The following AGBL1 variants were observed in gnomAD, a reference collection of about 807,000 sequenced individuals.
The protein encoded by AGBL1 is cytosolic carboxypeptidase 4.
Under a neutral mutation model 118.9 loss-of-function variants are expected in AGBL1, and 130 were observed. The ratio of observed to expected loss-of-function variants is 1.09; its 90% CI spans 0.95 to 1.26. AGBL1 has a LOEUF of 1.26. AGBL1 is among the 50% of genes most tolerant of loss of function. The pLI is 0.00. For synonymous variants in AGBL1, 555 were observed against 478.9 expected (o/e 1.16, Z -2.08); for missense variants, 1,584 against 1,298.1 (o/e 1.22, Z -3.38).
chr15:87,015,752 TGAATTCA>T (rs1277616853), intron 24 of AGBL1, among the ~76,000 whole-genome samples: 1 of 152,166 alleles, frequency 6.6e-6, no homozygotes, highest in Non-Finnish European at 1.5e-5. Context: ...CTGCTATTGA[TGAATTCA>T]GGGATAGAGC....
intron 22 of AGBL1, among the ~76,000 whole-genome samples, chr15:86,820,375 A>T (rs1400365204): frequency 1.3e-5 from 2 of 152,170 alleles, no homozygotes; most frequent in Non-Finnish European, 2.9e-5. Flanking sequence ...ATGGGAGAAA[A>T]TTTTTTCAAT....
chr15:86,311,719 C>T (rs886987842), intron 17 of AGBL1, among the ~76,000 whole-genome samples: 6 of 152,070 alleles, frequency 3.9e-5, no homozygotes, highest in Non-Finnish European at 8.8e-5. Flanking sequence ...TTTTAGTCAC[C>T]TGTATCCAAC....
chr15:86,997,607 C>A lies in AGBL1; in HGVS notation c.3323+9519C>A, dbSNP rs144810083. Among the ~76,000 whole-genome samples, 769 of 152,140 alleles carry A rather than the reference C, an allele frequency of 5.1e-3. 6 individuals carry two copies. The highest frequency in any genetic ancestry group is 0.018 in the African/African-American group (742 of 41,502). On this transcript the variant is annotated intron_variant, in intron 24 of 24. Coordinates refer to the AGBL1 transcript ENST00000441037. ...GATGGATCACTTGATAGACTGTATCCTCTAGGCCTAGAGTCTATGATTTTA... is the reference window on the plus strand; with the variant it reads ...GATGGATCACTTGATAGACTGTATCATCTAGGCCTAGAGTCTATGATTTTA...
chr15:86,248,017 G>A lies in AGBL1; in HGVS notation c.735+138G>A. On this transcript the variant is annotated intron_variant, in intron 7 of 22. Coordinates refer to ENST00000614907, the MANE Select transcript of AGBL1 (RefSeq NM_001386094.1). The stretch of plus-strand genomic sequence containing the variant: ...TTGCCTGCTAAGGGCGGATGTTCTG[G>A]ATTTAAGGCTTCATTCCAGGCCAGG... 2 of 1,198,868 alleles carry A rather than the reference G, an allele frequency of 1.7e-6. 1 individual carries two copies. The highest frequency in any genetic ancestry group is 3.0e-5 in the African/African-American group (2 of 66,504). The allele number at this position is 1,198,868 out of a possible 1,614,324, so 74.3% of individuals were successfully genotyped here.
At chr15:86,595,968 C>T (rs532079209) in intron 21 of AGBL1, among the ~76,000 whole-genome samples, 29 of 151,960 alleles carry the variant, frequency 1.9e-4, no homozygotes, top group Non-Finnish European at 3.4e-4. Context: ...GTTAGTTAGT[C>T]CCCAGAAAGC....
At chr15:86,807,945 T>C (rs1443487281) in intron 22 of AGBL1, among the ~76,000 whole-genome samples, 1 of 152,128 alleles carries the variant, frequency 6.6e-6, no homozygotes, top group Non-Finnish European at 1.5e-5. Flanking sequence ...AGCTTCACAC[T>C]TGGTAGTTGC....
At chr15:86,904,126 G>T (rs778223972) in intron 22 of AGBL1, among the ~76,000 whole-genome samples, 1 of 152,114 alleles carries the variant, frequency 6.6e-6, no homozygotes. Flanking sequence ...CTTCCTCATC[G>T]TGTGGCTAGA....
At chr15:87,010,874 C>G (rs1022698317) in intron 24 of AGBL1, among the ~76,000 whole-genome samples, 1 of 152,226 alleles carries the variant, frequency 6.6e-6, no homozygotes, top group Non-Finnish European at 1.5e-5. Context: ...ATCTGTTCAT[C>G]TATCTATCCA....
chr15:86,958,148 TAA>T (rs1233855791), intron 23 of AGBL1, among the ~76,000 whole-genome samples: 2 of 149,598 alleles, frequency 1.3e-5, no homozygotes, highest in Non-Finnish European at 3.0e-5. Flanking sequence ...GAGGCTGCAG[TAA>T]GCTATGATTG....
At chr15:86,987,791 T>G (rs1022104569) in intron 23 of AGBL1, among the ~76,000 whole-genome samples, 1 of 152,176 alleles carries the variant, frequency 6.6e-6, no homozygotes, top group Non-Finnish European at 1.5e-5. Flanking sequence ...CCATACATTA[T>G]GTATATTTTA....
chr15:86,148,161 G>C (rs1899861), intron 3 of AGBL1, among the ~76,000 whole-genome samples: 94,447 of 152,078 alleles, frequency 0.62, 31,396 homozygotes, highest in African/African-American at 0.87. Flanking sequence ...GATAAAATCA[G>C]AAAGATGGGG....
At position 86,439,921 on chromosome 15, in the gene AGBL1, G is replaced by A. The variant is rs140810476; in HGVS notation, c.2555+42375G>A. The stretch of plus-strand genomic sequence containing the variant: ...CAGAGCACACGGCCCCAGTGAGAAC[G>A]GCCAGAGGGTTCCTGAAGTGGCCTT... On this transcript the variant is annotated intron_variant, in intron 18 of 22. Transcript: ENST00000614907. Among the ~76,000 whole-genome samples, 6 of 152,216 alleles carry A rather than the reference G, an allele frequency of 3.9e-5. No individual in the cohort carries two copies. The East Asian group carries it at 7.7e-4, about 20-fold the overall frequency.
chr15:86,399,388 A>T (rs936028644), intron 18 of AGBL1, among the ~76,000 whole-genome samples: 1 of 152,100 alleles, frequency 6.6e-6, no homozygotes, highest in African/African-American at 2.4e-5. Flanking sequence ...TCCCATTTTG[A>T]CATTTTCTCA....
intron 18 of AGBL1, among the ~76,000 whole-genome samples, chr15:86,475,381 G>A (rs892437729): frequency 9.2e-5 from 14 of 152,162 alleles, no homozygotes; most frequent in Non-Finnish European, 1.6e-4. Context: ...GTCCTTAAAT[G>A]ACCTGATGGA....
chr15:86,691,762 AT>A (rs1169819896), intron 22 of AGBL1, among the ~76,000 whole-genome samples: 1 of 152,126 alleles, frequency 6.6e-6, no homozygotes, highest in African/African-American at 2.4e-5. Flanking sequence ...TTATAAAAAA[AT>A]ATTAAGGAAC....
At chr15:86,790,989 T>C (rs558876919) in intron 22 of AGBL1, among the ~76,000 whole-genome samples, 20 of 152,228 alleles carry the variant, frequency 1.3e-4, no homozygotes, top group African/African-American at 3.9e-4. Flanking sequence ...AGGGGAAAGA[T>C]CAATCTTTGT....
At chr15:86,771,304 AT>A (rs2078176546) in intron 22 of AGBL1, among the ~76,000 whole-genome samples, 1 of 152,082 alleles carries the variant, frequency 6.6e-6, no homozygotes, top group Non-Finnish European at 1.5e-5. Flanking sequence ...TAATCTTGCA[AT>A]ACAGATGTTA....
intron 22 of AGBL1, among the ~76,000 whole-genome samples, chr15:86,785,386 T>G (rs928325421): frequency 4.7e-5 from 7 of 148,866 alleles, no homozygotes; most frequent in African/African-American, 9.9e-5. Context: ...TTTGTTTTTG[T>G]TTTTTTGAGA....
intron 9 of AGBL1, among the ~76,000 whole-genome samples, chr15:86,261,837 A>G (rs1283102947): frequency 1.3e-5 from 2 of 152,114 alleles, no homozygotes; most frequent in Admixed American, 1.3e-4. Flanking sequence ...TCCAATAAAT[A>G]AAAGACTCAC....
Sources: gnomAD v4.1 joint callset for allele counts (sites outside exome capture counted in the v4.1 genomes callset) on GRCh38, gnomAD v4.1.1 for gene constraint, MANE v1.5 for transcripts, NCBI Gene and HGNC (gene_info 2026-07-23, HGNC 2026-07-21) for gene names.